NEK5: variants seen among roughly 807,000 people sequenced by gnomAD.
NEK5 encodes the protein serine/threonine-protein kinase Nek5.
NEK5 carries 88 observed loss-of-function variants against 109.2 expected under a neutral mutation model. The ratio of observed to expected loss-of-function variants is 0.81; its 90% CI spans 0.68 to 0.96. The LOEUF (loss-of-function observed/expected upper bound fraction) is 0.96. NEK5 is among the 40% of genes least tolerant of loss of function. The pLI is 0.00. For missense variants in NEK5, 834 were observed against 920.7 expected, an observed-to-expected ratio of 0.91 and a Z score of 1.22; for synonymous variants, 283 against 299.9, an observed-to-expected ratio of 0.94 and a Z score of 0.58.
At chr13:52,081,428 A>C (rs1336252153) in intron 17 of NEK5, among the ~76,000 whole-genome samples, 1 of 152,078 alleles carries the variant, frequency 6.6e-6, no homozygotes, top group Non-Finnish European at 1.5e-5. Context: ...TCCTGAGCTC[A>C]AGGGATCCTC....
At chr13:52,115,292 C>G (rs865913237) in intron 4 of NEK5, among the ~76,000 whole-genome samples, 3 of 151,790 alleles carry the variant, frequency 2.0e-5, no homozygotes, top group African/African-American at 7.2e-5. Flanking sequence ...TGAGCCACCG[C>G]GCCCGGCCGA....
At chr13:52,060,255 C>T (rs1954600077) in intron 22 of NEK5, among the ~76,000 whole-genome samples, 1 of 152,078 alleles carries the variant, frequency 6.6e-6, no homozygotes, top group Admixed American at 6.6e-5. Flanking sequence ...ATTAGAAAGC[C>T]TCTTTCAAAA....
In NEK5 at chr13:52,095,093, A is replaced by T. The variant is rs9568709; in HGVS notation, c.1027-1858T>A. Reference sequence around the variant, plus strand: ...TACTGTGTCCAGTAAAAAACAAAAAATTTTTTTTTTAATTTTACTTTTTGT... The same window carrying T: ...TACTGTGTCCAGTAAAAAACAAAAATTTTTTTTTTTAATTTTACTTTTTGT... On this transcript the variant is annotated intron_variant, in intron 12 of 23. Transcript: ENST00000684899. Among the ~76,000 whole-genome samples, 213 of 150,070 alleles carry T rather than the reference A, an allele frequency of 1.4e-3. 3 individuals carry two copies. The East Asian group carries it at 0.031, about 22-fold the overall frequency.
rs1954363469 is a variant in NEK5 at position 52,036,581 on chromosome 13, G to A, written c.*367C>T. The A allele has an allele frequency of 6.6e-6, 1 of 151,376 alleles. No homozygotes were observed. Among genetic ancestry groups the A allele is most frequent in the African/African-American group, 2.4e-5 (1 of 41,122 alleles). The allele number at this position is 151,376 out of a possible 1,614,324, so 9.4% of individuals were successfully genotyped here. A position where few individuals can be genotyped will look rare whatever the true frequency, so the allele number is the denominator to read the frequency against. On this transcript the variant is annotated 3_prime_UTR_variant, in exon 24 of 24. Transcript: ENST00000684899. ...TCTCCTGGGTTCAGGTGATTCTCCT[G>A]CCTCAGCCTCCCAAGTAACTGGGAT...
chr13:52,087,753 G>A (rs1031526417), intron 14 of NEK5, among the ~76,000 whole-genome samples: 1 of 151,772 alleles, frequency 6.6e-6, no homozygotes, highest in African/African-American at 2.4e-5. Flanking sequence ...AGCCTTCCGA[G>A]TAGCTGGGAC....
intron 20 of NEK5, among the ~76,000 whole-genome samples, chr13:52,070,625 A>G (rs1369995280): frequency 2.0e-5 from 3 of 152,174 alleles, no homozygotes; most frequent in Non-Finnish European, 4.4e-5. Context: ...CATGATTGTG[A>G]GGCTTCCCCA....
intron 17 of NEK5, among the ~76,000 whole-genome samples, chr13:52,080,265 T>TGGG (rs1277484357): frequency 3.7e-4 from 39 of 104,184 alleles, no homozygotes; most frequent in African/African-American, 1.4e-3. Context: ...GGGAGGGAGG[T>TGGG]GGGGGGGGGT....
At chr13:52,096,261 A>G (rs1450869711) in intron 12 of NEK5, among the ~76,000 whole-genome samples, 2 of 152,196 alleles carry the variant, frequency 1.3e-5, no homozygotes, top group Non-Finnish European at 2.9e-5. Flanking sequence ...GTATAAAGAT[A>G]CCTGAAAATG....
chr13:52,087,281 A>G, intron 15 of NEK5, 57 bp downstream of exon 15: 4 of 893,996 alleles, frequency 4.5e-6, no homozygotes, highest in Non-Finnish European at 7.5e-6. Context: ...ATTACAGTAC[A>G]AAAGACAGTA....
chr13:52,072,190 G>A, intron 19 of NEK5, 120 bp from the exon 20 acceptor site: 5 of 687,022 alleles, frequency 7.3e-6, no homozygotes, highest in Non-Finnish European at 1.2e-5. Context: ...TTCAACAAAT[G>A]TTTACTAAAC....
intron 12 of NEK5, 46 bp downstream of exon 12, chr13:52,099,697 A>G: frequency 6.3e-7 from 1 of 1,596,014 alleles, no homozygotes; most frequent in Non-Finnish European, 8.6e-7. Context: ...AACAAAAAGC[A>G]TATACCATAG....
At position 52,093,173 on chromosome 13, in the gene NEK5, A is replaced by G; in HGVS notation, c.1089T>C (p.Ala363=). 1 of 1,613,628 alleles carries G rather than the reference A, an allele frequency of 6.2e-7. No homozygotes were observed. Among genetic ancestry groups the G allele is most frequent in the Non-Finnish European group, 8.5e-7 (1 of 1,179,560 alleles). ...CTCTCCTCCTCAGCATATCAAGTTGAGCATAATAATAATCATAATGTCCAC... is the reference window on the plus strand; with the variant it reads ...CTCTCCTCCTCAGCATATCAAGTTGGGCATAATAATAATCATAATGTCCAC... ...AVCGHYDYYY[A]QLDMLRRRAH... Residue 363 remains alanine, a synonymous_variant, in exon 13 of 24, where the codon GCT becomes GCC. Coordinates refer to ENST00000684899, the MANE Select transcript of NEK5 (RefSeq NM_001365552.1).
chr13:52,092,218 T>C (rs1955298822), intron 13 of NEK5, among the ~76,000 whole-genome samples: 1 of 150,138 alleles, frequency 6.7e-6, no homozygotes, highest in Non-Finnish European at 1.5e-5. Context: ...AACACATTTA[T>C]TGCTTTATTT....
rs146623035 is a variant in NEK5 at position 52,052,512 on chromosome 13, T to C, written c.2111-2291A>G. ...ACCCACCAGCCTCAGGGGAACGTAT[T>C]TGCAGCAAGGAGCACAGACTCATGG... On this transcript the variant is annotated intron_variant, in intron 22 of 23. Coordinates refer to ENST00000684899, the MANE Select transcript of NEK5 (RefSeq NM_001365552.1). Among the ~76,000 whole-genome samples, 274 of 152,218 alleles carry C rather than the reference T, an allele frequency of 1.8e-3. 2 individuals carry two copies. The highest frequency in any genetic ancestry group is 2.8e-3 in the Non-Finnish European group (192 of 68,000).
At chr13:52,064,431 C>T (rs1954653501) in intron 21 of NEK5, among the ~76,000 whole-genome samples, 1 of 147,146 alleles carries the variant, frequency 6.8e-6, no homozygotes, top group African/African-American at 2.5e-5. Flanking sequence ...GCCAGCCACC[C>T]CGTCCGGGAG....
intron 20 of NEK5, among the ~76,000 whole-genome samples, chr13:52,068,402 A>C (rs905872910): frequency 6.6e-6 from 1 of 152,056 alleles, no homozygotes; most frequent in Admixed American, 6.6e-5. Flanking sequence ...AAGGTTTTAC[A>C]GTTTTCTTTC....
At chr13:52,104,616 C>T (rs575753832) in intron 8 of NEK5, 64 bp from the exon 9 acceptor site, 2 of 1,069,324 alleles carry the variant, frequency 1.9e-6, no homozygotes, top group Middle Eastern at 4.6e-4. Context: ...AGCTTTTATC[C>T]TTACAGTGCC....
Position 52,099,762 on chromosome 13 carries a change from C to T in NEK5, c.1007G>A (p.Gly336Glu), listed in dbSNP as rs1955491861. ...ACTTACAGATCTGGCCTTCTGGGCT[C>T]CAGCTGGTGGTCTCCATTCATTTCT... The part of the protein sequence containing the change: ...LHRNEWRPPA[G>E]AQKARSIKMI... The change falls in exon 12 of 24, where the codon GGA (glycine) becomes GAA (glutamate). Residue 336 changes from glycine to glutamate, a missense_variant. By Grantham distance (98) the Gly-to-Glu change is moderately conservative. Around this residue, in one of 2 missense-constraint regions of NEK5, gnomAD observed 777 missense variants for 824.7 expected, o/e 0.94. Transcript: ENST00000684899. The T allele has an allele frequency of 1.9e-6, 3 of 1,613,584 alleles. No individual in the cohort carries two copies. Among genetic ancestry groups the T allele is most frequent in the African/African-American group, 2.7e-5 (2 of 74,902 alleles).
chr13:52,078,386 G>A (rs1954905893), intron 17 of NEK5, among the ~76,000 whole-genome samples: 1 of 152,176 alleles, frequency 6.6e-6, no homozygotes, highest in South Asian at 2.1e-4. Context: ...GCAGATCCGT[G>A]ATTGCATGGG....
Sources: allele counts gnomAD v4.1 joint callset (sites outside exome capture counted in the v4.1 genomes callset), GRCh38; gene constraint gnomAD v4.1.1; regional missense constraint gnomAD v4.1.1; transcripts MANE v1.5; gene names NCBI Gene and HGNC (gene_info 2026-07-23, HGNC 2026-07-21).